SERINC5: variants seen among roughly 807,000 people sequenced by gnomAD.
SERINC5 encodes serine incorporator 5, also known as chromosome 5 open reading frame 12.
Under a neutral mutation model 63.1 loss-of-function variants are expected in SERINC5, and 41 were observed. The observed-to-expected ratio is 0.65, with a 90% CI of 0.51 to 0.84. The LOEUF (loss-of-function observed/expected upper bound fraction) is 0.84. SERINC5 is among the 40% of genes least tolerant of loss of function. The pLI, the probability that SERINC5 is intolerant of heterozygous loss-of-function variation, is 0.00. For missense variants in SERINC5, 523 were observed against 573.0 expected, an observed-to-expected ratio of 0.91 and a Z score of 0.89; for synonymous variants, 222 against 215.2, an observed-to-expected ratio of 1.03 and a Z score of -0.28.
At chr5:80,155,942 G>C (rs1561375518) in intron 8 of SERINC5, among the ~76,000 whole-genome samples, 1 of 151,966 alleles carries the variant, frequency 6.6e-6, no homozygotes, top group Non-Finnish European at 1.5e-5. Context: ...TCTGAGCTGA[G>C]GCTACAAACA....
rs10474611 is a variant in SERINC5, at chr5:80,226,184, A to C, written c.28-23131T>G. Among the ~76,000 whole-genome samples the C allele has an allele frequency of 8.6e-5, 13 of 152,022 alleles. No individual in the cohort carries two copies. The South Asian group carries it at 2.3e-3, about 27-fold the overall frequency. ...GCGATTCTCGTGCCTCAGACTCCCA[A>C]GTAGCTGGAGTACAGGTGCACACTA... On this transcript the variant is annotated intron_variant, in intron 1 of 11. Transcript: ENST00000507668.
At chr5:80,147,867 T>C (rs551083262) in intron 9 of SERINC5, among the ~76,000 whole-genome samples, 1 of 152,188 alleles carries the variant, frequency 6.6e-6, no homozygotes, top group Non-Finnish European at 1.5e-5. Flanking sequence ...GACCTTTGCA[T>C]TGGGCTTATT....
At chr5:80,125,302 C>A (rs1317830499) in intron 11 of SERINC5, among the ~76,000 whole-genome samples, 1 of 152,204 alleles carries the variant, frequency 6.6e-6, no homozygotes, top group Non-Finnish European at 1.5e-5. Flanking sequence ...TATGCTCAAT[C>A]TATGGCCTAA....
intron 1 of SERINC5, among the ~76,000 whole-genome samples, chr5:80,214,426 G>C (rs887874134): frequency 6.6e-6 from 1 of 152,174 alleles, no homozygotes; most frequent in Middle Eastern, 3.4e-3. Context: ...AAACATTCCT[G>C]TTCCACCTCA....
chr5:80,215,463 T>C (rs55873989), intron 1 of SERINC5, among the ~76,000 whole-genome samples: 28,119 of 152,076 alleles, frequency 0.18, 3,196 homozygotes, highest in African/African-American at 0.32. Context: ...TTCTTTATAG[T>C]AATGCAAGAA....
intron 7 of SERINC5, among the ~76,000 whole-genome samples, chr5:80,162,792 T>C (rs1359292450): frequency 6.6e-6 from 1 of 152,202 alleles, no homozygotes; most frequent in Non-Finnish European, 1.5e-5. Flanking sequence ...TGGGACTGGC[T>C]TCTTGATTTG....
rs1164400246 is a variant in SERINC5, at chr5:80,166,385, A to C, written c.857T>G (p.Val286Gly). Residue 286 changes from valine to glycine, a missense_variant and splice_region_variant, in exon 7 of 12, where the codon GTA becomes GGA. Physicochemically the swap from Val to Gly is moderately radical, Grantham distance 109 (BLOSUM62 -3). Transcript: ENST00000507668. The part of the protein sequence containing the change: ...FSALSSKPAE[V>G]VLDEHGKNVT... ...AGCCCACTAACAGGCTGGCTTACCT[A>C]CTTCTGCAGGTTTGCTGGACAGAGC... The C allele has an allele frequency of 6.3e-7, 1 of 1,576,786 alleles. No individual in the cohort carries two copies. Among genetic ancestry groups the C allele is most frequent in the Non-Finnish European group, 8.6e-7 (1 of 1,160,070 alleles).
At chr5:80,137,157 A>G (rs569721054), downstream of SERINC5, among the ~76,000 whole-genome samples, 2 of 104,352 alleles carry the variant, frequency 1.9e-5, no homozygotes, top group African/African-American at 6.8e-5. Context: ...AAAAAAAAAA[A>G]AAAAAACAAA....
At position 80,188,151 on chromosome 5, in the gene SERINC5, C is replaced by T. The variant is rs757265030; in HGVS notation, c.196-10087G>A. Among the ~76,000 whole-genome samples, 10 of 151,852 alleles carry T rather than the reference C, an allele frequency of 6.6e-5. No individual in the cohort carries two copies. The East Asian group carries it at 9.7e-4, about 15-fold the overall frequency. Reference sequence around the variant, plus strand: ...ATACAAAAATTAGCCAGGTGCATGGCGGGCACCTGTAATCCCAGCTACTCG... The same window carrying T: ...ATACAAAAATTAGCCAGGTGCATGGTGGGCACCTGTAATCCCAGCTACTCG... On this transcript the variant is annotated intron_variant, in intron 2 of 11. Transcript: ENST00000507668.
intron 11 of SERINC5, among the ~76,000 whole-genome samples, chr5:80,120,589 G>A (rs1744502440): frequency 6.6e-6 from 1 of 152,222 alleles, no homozygotes; most frequent in Middle Eastern, 3.4e-3. Context: ...TGAGGCAGGA[G>A]GATCACTTGA....
chr5:80,159,249 C>T (rs962120402), intron 7 of SERINC5, among the ~76,000 whole-genome samples: 1 of 152,104 alleles, frequency 6.6e-6, no homozygotes, highest in African/African-American at 2.4e-5. Context: ...GAGTCTTGCT[C>T]GAAGTCAGGT....
rs982026727 is a variant in SERINC5, at chr5:80,203,153, C to CG, written c.28-101dup. ...GTACACATCTGGAGTCCCTGCTACT[C>CG]GGGGGGCTGGAGGATCACTTGAGAC... On this transcript the variant is annotated intron_variant, in intron 1 of 11. Transcript: ENST00000507668. 55 of 1,208,498 alleles carry CG rather than the reference C, an allele frequency of 4.6e-5. No homozygotes were observed. The Admixed American group carries it at 5.2e-4, about 11-fold the overall frequency. The allele number at this position is 1,208,498 out of a possible 1,614,324, so 74.9% of individuals were successfully genotyped here.
At chr5:80,133,605 G>A (rs549913293) in intron 11 of SERINC5, among the ~76,000 whole-genome samples, 9 of 152,310 alleles carry the variant, frequency 5.9e-5, no homozygotes, top group East Asian at 1.9e-4. Context: ...AGTTAGCAGC[G>A]TGTTCTAAAA....
At chr5:80,238,104 A>AG (rs1491339982) in intron 1 of SERINC5, among the ~76,000 whole-genome samples, 1 of 70,514 alleles carries the variant, frequency 1.4e-5, no homozygotes, top group Non-Finnish European at 2.9e-5. Flanking sequence ...ACTCTGTCTC[A>AG]AAAAAAAAAA....
At chr5:80,210,657 A>G (rs1383526410) in intron 1 of SERINC5, among the ~76,000 whole-genome samples, 4 of 152,290 alleles carry the variant, frequency 2.6e-5, no homozygotes, top group African/African-American at 7.2e-5. Flanking sequence ...TAATCATAAA[A>G]GGGTCTCTGT....
intron 2 of SERINC5, among the ~76,000 whole-genome samples, chr5:80,196,158 G>A (rs1749483832): frequency 6.6e-6 from 1 of 152,106 alleles, no homozygotes; most frequent in Non-Finnish European, 1.5e-5. Flanking sequence ...GAATCTACCA[G>A]TGTCCTCAGC....
intron 1 of SERINC5, among the ~76,000 whole-genome samples, chr5:80,221,461 C>T (rs1561436368): frequency 6.6e-6 from 1 of 152,078 alleles, no homozygotes; most frequent in Non-Finnish European, 1.5e-5. Flanking sequence ...CATGCAGTCT[C>T]TGAAAAAGGT....
chr5:80,133,944 G>A (rs1745049825), downstream of SERINC5, among the ~76,000 whole-genome samples: 1 of 152,182 alleles, frequency 6.6e-6, no homozygotes, highest in Admixed American at 6.5e-5. Context: ...GGGGCCACAA[G>A]ACCAGATGAA....
At chr5:80,145,766 T>C (rs1745779195) in intron 11 of SERINC5, among the ~76,000 whole-genome samples, 2 of 152,272 alleles carry the variant, frequency 1.3e-5, no homozygotes, top group African/African-American at 2.4e-5. Flanking sequence ...TCCCAGCACT[T>C]TGAGAGGCCA....
Sources: gnomAD v4.1 joint callset for allele counts (sites outside exome capture counted in the v4.1 genomes callset) on GRCh38, gnomAD v4.1.1 for gene constraint, MANE v1.5 for transcripts, NCBI Gene and HGNC (gene_info 2026-07-23, HGNC 2026-07-21) for gene names.